CAMK4: variants seen among roughly 807,000 people sequenced by gnomAD.
CAMK4 encodes the protein calcium/calmodulin dependent protein kinase IV, also known as calcium/calmodulin-dependent protein kinase type IV.
Under a neutral mutation model 44.9 loss-of-function variants are expected in CAMK4, and 22 were observed. The ratio of observed to expected loss-of-function variants is 0.49; its 90% CI spans 0.35 to 0.70. The LOEUF is 0.70. CAMK4 is among the 30% of genes least tolerant of loss of function. The pLI is 0.01. For synonymous variants in CAMK4, 218 were observed against 215.4 expected (o/e 1.01, Z -0.11); for missense variants, 498 against 586.8 (o/e 0.85, Z 1.56).
At chr5:111,480,048 A>G (rs905446436) in intron 9 of CAMK4, among the ~76,000 whole-genome samples, 2 of 151,852 alleles carry the variant, frequency 1.3e-5, no homozygotes, top group African/African-American at 2.4e-5. Flanking sequence ...CAAGATCTAC[A>G]TGACGCTGCC....
chr5:111,483,604 A>T (rs2112504278), intron 10 of CAMK4, among the ~76,000 whole-genome samples: 1 of 152,292 alleles, frequency 6.6e-6, no homozygotes, highest in Admixed American at 6.5e-5. Context: ...CCCAAATTAA[A>T]TAGTATTGAC....
intron 9 of CAMK4, among the ~76,000 whole-genome samples, chr5:111,481,468 C>T (rs1755431887): frequency 6.6e-6 from 1 of 152,206 alleles, no homozygotes; most frequent in African/African-American, 2.4e-5. Flanking sequence ...CCCAAACACA[C>T]ATTCTTTTGC....
chr5:111,246,686 A>G (rs1749255812), intron 1 of CAMK4, among the ~76,000 whole-genome samples: 1 of 152,178 alleles, frequency 6.6e-6, no homozygotes, highest in South Asian at 2.1e-4. Context: ...TTAATGAAGC[A>G]GAATCCACCA....
At chr5:111,372,785 G>A (rs1213358705) in intron 2 of CAMK4, among the ~76,000 whole-genome samples, 1 of 152,102 alleles carries the variant, frequency 6.6e-6, no homozygotes, top group Non-Finnish European at 1.5e-5. Flanking sequence ...AAAGTTCCTG[G>A]GTTAGCACTG....
chr5:111,336,585 G>A lies in CAMK4; in HGVS notation c.162-7439G>A, dbSNP rs542854586. ...ATTTCTAGTATACTTGTGTCCTGAA[G>A]TTGATCAGCCAAAAACGTATTTATT... On this transcript the variant is annotated intron_variant, in intron 1 of 10. Coordinates refer to ENST00000282356, the MANE Select transcript of CAMK4 (RefSeq NM_001744.6). 2.6e-5 allele frequency among the ~76,000 whole-genome samples: 4 copies of A among 150,946 alleles called. No individual in the cohort carries two copies. The East Asian group carries it at 7.8e-4, about 30-fold the overall frequency.
chr5:111,351,077 A>G (rs1184711412), intron 2 of CAMK4, among the ~76,000 whole-genome samples: 1 of 152,036 alleles, frequency 6.6e-6, no homozygotes, highest in African/African-American at 2.4e-5. Context: ...TTGAAGTTTT[A>G]TATATTTTTA....
chr5:111,476,068 G>T (rs1018792147), intron 8 of CAMK4, among the ~76,000 whole-genome samples: 2 of 151,984 alleles, frequency 1.3e-5, no homozygotes, highest in Non-Finnish European at 2.9e-5. Context: ...AAATGTTGAG[G>T]CATTTGCTTT....
chr5:111,230,093 T>C lies in CAMK4; in HGVS notation c.161+5449T>C, dbSNP rs114663225. Among the ~76,000 whole-genome samples, 866 of 152,320 alleles carry C rather than the reference T, an allele frequency of 5.7e-3. 9 individuals carry two copies. The highest frequency in any genetic ancestry group is 0.02 in the African/African-American group (825 of 41,562). On this transcript the variant is annotated intron_variant, in intron 1 of 10. Transcript: ENST00000282356. ...TCTTGGTCCTGATGTCGTAGTGATA[T>C]TGATTCTAGTGACCCTAGGATAAGG...
chr5:111,452,387 G>A (rs1255809501), intron 7 of CAMK4, among the ~76,000 whole-genome samples: 1 of 152,120 alleles, frequency 6.6e-6, no homozygotes, highest in Non-Finnish European at 1.5e-5. Context: ...TTTAATCAAG[G>A]CAATATTTTT....
chr5:111,482,967 G>T lies in CAMK4; in HGVS notation c.981+30G>T. 6.4e-7 allele frequency: 1 copy of T among 1,561,574 alleles called. No individual in the cohort carries two copies. On this transcript the variant is annotated intron_variant, in intron 10 of 10. Transcript: ENST00000282356. This position sits in a 1 kb window ranked among gnomAD's most constrained non-coding sequence, Gnocchi z 4.9. Reference sequence around the variant, plus strand: ...GATAGCATATATTTTGTTTTGTTTTGTTTTGTTTTCAAAAAATTTATCTCA... The same window carrying T: ...GATAGCATATATTTTGTTTTGTTTTTTTTTGTTTTCAAAAAATTTATCTCA...
At chr5:111,326,995 CTG>C (rs1290375384) in intron 1 of CAMK4, among the ~76,000 whole-genome samples, 3 of 151,162 alleles carry the variant, frequency 2.0e-5, no homozygotes, top group Non-Finnish European at 4.4e-5. Flanking sequence ...TTCTAAGAAA[CTG>C]TTTTTTTTTT....
chr5:111,293,229 G>A (rs1388246733), intron 1 of CAMK4, among the ~76,000 whole-genome samples: 1 of 152,056 alleles, frequency 6.6e-6, no homozygotes, highest in Admixed American at 6.5e-5. Flanking sequence ...ACATTGTTCT[G>A]GATTCTGGGG....
At chr5:111,258,143 G>A (rs1415924520) in intron 1 of CAMK4, among the ~76,000 whole-genome samples, 1 of 152,212 alleles carries the variant, frequency 6.6e-6, no homozygotes, top group East Asian at 1.9e-4. Context: ...ACACTCTGCA[G>A]TGTATGGAAC....
intron 1 of CAMK4, among the ~76,000 whole-genome samples, chr5:111,228,213 AAGATAATT>A (rs891581540): frequency 1.4e-3 from 218 of 152,356 alleles, no homozygotes; most frequent in African/African-American, 5.1e-3. Flanking sequence ...AACCAAATGA[AAGATAATT>A]AGAACAAGAG....
At chr5:111,383,653 G>T (rs1751495555) in intron 4 of CAMK4, among the ~76,000 whole-genome samples, 1 of 148,320 alleles carries the variant, frequency 6.7e-6, no homozygotes, top group Non-Finnish European at 1.5e-5. Context: ...TTTTAGTAGA[G>T]ACAGGGTTTC....
Position 111,412,326 on chromosome 5 carries a change from C to T in CAMK4, c.459+17544C>T, listed in dbSNP as rs79970147. ...CAGTAGTCAAGGATATAATAAGAAA[C>T]CACTTTTTCATGCAAAAATAAAAGA... On this transcript the variant is annotated intron_variant, in intron 5 of 10. Coordinates refer to ENST00000282356, the MANE Select transcript of CAMK4 (RefSeq NM_001744.6). Among the ~76,000 whole-genome samples, 609 of 152,236 alleles carry T rather than the reference C, an allele frequency of 4.0e-3. 6 individuals carry two copies. Among genetic ancestry groups the T allele is most frequent in the African/African-American group, 0.014 (578 of 41,544 alleles).
At chr5:111,256,849 T>C (rs2112552431) in intron 1 of CAMK4, among the ~76,000 whole-genome samples, 1 of 152,326 alleles carries the variant, frequency 6.6e-6, no homozygotes, top group South Asian at 2.1e-4. Context: ...TTTGGTCTTC[T>C]GTATTTTGAA....
intron 4 of CAMK4, among the ~76,000 whole-genome samples, chr5:111,386,530 C>T (rs540578983): frequency 4.9e-4 from 75 of 152,216 alleles, no homozygotes; most frequent in Non-Finnish European, 9.0e-4. Context: ...CTGCTGTGCG[C>T]GTGTTAACTG....
At chr5:111,317,701 C>T (rs1176425784) in intron 1 of CAMK4, among the ~76,000 whole-genome samples, 2 of 151,738 alleles carry the variant, frequency 1.3e-5, no homozygotes, top group East Asian at 3.9e-4. Context: ...TGGTCAGGAC[C>T]AGCTTCATGG....
Sources: gnomAD v4.1 joint callset for allele counts (sites outside exome capture counted in the v4.1 genomes callset) on GRCh38, gnomAD v4.1.1 for gene constraint, Gnocchi (gnomAD v3.1) non-coding constraint, MANE v1.5 for transcripts, NCBI Gene and HGNC (gene_info 2026-07-23, HGNC 2026-07-21) for gene names.